HMBOX1: variants seen among roughly 807,000 people sequenced by gnomAD.
The protein encoded by HMBOX1 is homeobox containing 1, also known as homeobox-containing protein 1.
Under a neutral mutation model 54.5 loss-of-function variants are expected in HMBOX1, and 14 were observed. The observed-to-expected ratio is 0.26, with a 90% CI of 0.17 to 0.40. The LOEUF (loss-of-function observed/expected upper bound fraction) is 0.40. HMBOX1 is among the 10% of genes least tolerant of loss of function. HMBOX1 has a pLI of 1.00. For synonymous variants in HMBOX1, 160 were observed against 181.0 expected, an observed-to-expected ratio of 0.88 and a Z score of 0.93; for missense variants, 332 against 514.4, an observed-to-expected ratio of 0.65 and a Z score of 3.43.
intron 1 of HMBOX1, among the ~76,000 whole-genome samples, chr8:28,924,232 G>A (rs1456031516): frequency 2.0e-5 from 3 of 150,828 alleles, no homozygotes; most frequent in African/African-American, 2.4e-5. Context: ...TCAGCCTCCC[G>A]AGTAGCTGGG....
intron 6 of HMBOX1, among the ~76,000 whole-genome samples, chr8:29,021,169 T>C (rs371480020): frequency 3.9e-5 from 6 of 152,182 alleles, no homozygotes; most frequent in African/African-American, 1.4e-4. Flanking sequence ...AGTAAGATCC[T>C]ATCTCAAAAA....
chr8:29,010,468 ATTGC>A (rs945862728), intron 5 of HMBOX1, among the ~76,000 whole-genome samples: 5 of 152,088 alleles, frequency 3.3e-5, no homozygotes, highest in African/African-American at 1.2e-4. Context: ...AGGCAGAGAA[ATTGC>A]TTTAACTCGG....
chr8:28,924,256 G>A (rs562776988), intron 1 of HMBOX1, among the ~76,000 whole-genome samples: 26 of 151,476 alleles, frequency 1.7e-4, no homozygotes, highest in African/African-American at 5.3e-4. Flanking sequence ...ACAGGTGCCC[G>A]CCACCACGTC....
intron 6 of HMBOX1, among the ~76,000 whole-genome samples, chr8:29,027,576 G>A (rs1473966225): frequency 6.6e-6 from 1 of 152,068 alleles, no homozygotes; most frequent in Admixed American, 6.6e-5. Context: ...AAGGGAGGAA[G>A]GTAAAATAAG....
At position 29,052,913 on chromosome 8, in the gene HMBOX1, G is replaced by A. The variant is rs1806572671; in HGVS notation, c.*1758G>A. On this transcript the variant is annotated 3_prime_UTR_variant, in exon 10 of 10. Transcript: ENST00000287701. ...AAAACAATTTCTAAGATAAAAGGAAGGTGCCATTTCCTTACCTCTTCACCC... is the reference window on the plus strand; with the variant it reads ...AAAACAATTTCTAAGATAAAAGGAAAGTGCCATTTCCTTACCTCTTCACCC... 1 of 152,180 alleles carries A rather than the reference G, an allele frequency of 6.6e-6. No individual in the cohort carries two copies. The highest frequency in any genetic ancestry group is 2.1e-4 in the South Asian group (1 of 4,838). The allele number at this position is 152,180 out of a possible 1,614,324, so 9.4% of individuals were successfully genotyped here.
At position 28,904,605 on chromosome 8, in the gene HMBOX1, G is replaced by A. The variant is rs985522638; in HGVS notation, c.-58+13927G>A. Among the ~76,000 whole-genome samples, 10 of 151,852 alleles carry A rather than the reference G, an allele frequency of 6.6e-5. No homozygotes were observed. In the South Asian group the frequency reaches 2.1e-3, roughly 32 times the overall value. On this transcript the variant is annotated intron_variant, in intron 1 of 9. Coordinates refer to ENST00000287701, the MANE Select transcript of HMBOX1 (RefSeq NM_001135726.3). ...GCATTCTTATTTTTTCAAGTTAATC[G>A]TCTTAAATTGTGCCAAACATTGAAC...
Position 29,051,668 on chromosome 8 carries a change from C to A in HMBOX1, c.*513C>A, listed in dbSNP as rs1197090048. On this transcript the variant is annotated 3_prime_UTR_variant, in exon 10 of 10. Coordinates refer to ENST00000287701, the MANE Select transcript of HMBOX1 (RefSeq NM_001135726.3). ...ACCTCAGCGTGAGGATAATTGATTTCCAGCTGCAATAAGCCGTGCCTCATT... is the reference window on the plus strand; with the variant it reads ...ACCTCAGCGTGAGGATAATTGATTTACAGCTGCAATAAGCCGTGCCTCATT... The A allele has an allele frequency of 1.4e-6, 1 of 699,986 alleles. No homozygotes were observed. Among genetic ancestry groups the A allele is most frequent in the African/African-American group, 1.7e-5 (1 of 57,154 alleles). The allele number at this position is 699,986 out of a possible 1,614,324, so 43.4% of individuals were successfully genotyped here.
chr8:28,945,432 A>G (rs1822250956), intron 1 of HMBOX1, among the ~76,000 whole-genome samples: 1 of 152,216 alleles, frequency 6.6e-6, no homozygotes, highest in Non-Finnish European at 1.5e-5. Context: ...TCATTTTAGG[A>G]CGATTACTTT....
chr8:29,031,758 A>G (rs548732414), intron 6 of HMBOX1, among the ~76,000 whole-genome samples: 12 of 152,232 alleles, frequency 7.9e-5, no homozygotes, highest in African/African-American at 2.6e-4. Flanking sequence ...CCCCGTGCTG[A>G]GGAGTGTGGA....
chr8:28,972,327 T>G (rs542023443), intron 3 of HMBOX1, among the ~76,000 whole-genome samples: 1 of 152,240 alleles, frequency 6.6e-6, no homozygotes, highest in East Asian at 1.9e-4. Flanking sequence ...ATTCTCCTGC[T>G]TTAGCCTCCT....
intron 1 of HMBOX1, among the ~76,000 whole-genome samples, chr8:28,961,367 A>G (rs922001079): frequency 2.0e-5 from 3 of 152,080 alleles, no homozygotes; most frequent in Non-Finnish European, 4.4e-5. Context: ...ATAACTTCTC[A>G]TTATTCCTTG....
intron 6 of HMBOX1, among the ~76,000 whole-genome samples, chr8:29,024,243 CA>C (rs1216905476): frequency 6.6e-6 from 1 of 152,104 alleles, no homozygotes; most frequent in Non-Finnish European, 1.5e-5. Context: ...AAAACTACAC[CA>C]AAGTGGTAAC....
rs142735735 is a variant in HMBOX1 at position 28,938,373 on chromosome 8, A to G, written c.-57-25438A>G. 2.6e-4 allele frequency among the ~76,000 whole-genome samples: 39 copies of G among 152,362 alleles called. 1 individual carries two copies. The highest frequency in any genetic ancestry group is 8.9e-4 in the African/African-American group (37 of 41,588). On this transcript the variant is annotated intron_variant, in intron 1 of 9. Transcript: ENST00000287701. ...ATATTTCTAGAAATAAGTGCCACTT[A>G]GGAAGGGCTGCAGTAAAATAAAATA...
intron 6 of HMBOX1, among the ~76,000 whole-genome samples, chr8:29,037,809 C>T (rs1279668287): frequency 6.6e-6 from 1 of 152,082 alleles, no homozygotes; most frequent in Non-Finnish European, 1.5e-5. Flanking sequence ...GACTTAGGTT[C>T]TAAGTATGTT....
At chr8:29,047,559 CTTCTCT>C in intron 8 of HMBOX1, 106 bp downstream of exon 8, 1 of 488,320 alleles carries the variant, frequency 2.0e-6, no homozygotes, top group South Asian at 2.7e-5. Context: ...AGGATCCTAA[CTTCTCT>C]TTTTTTTTTT....
intron 5 of HMBOX1, among the ~76,000 whole-genome samples, chr8:29,015,284 G>A (rs148607558): frequency 4.0e-4 from 61 of 152,168 alleles, no homozygotes; most frequent in Admixed American, 8.5e-4. Flanking sequence ...GGAGCATGCC[G>A]CAATTATGGA....
Position 28,970,188 on chromosome 8 carries a change from C to T in HMBOX1, c.169C>T (p.His57Tyr). 1 of 1,614,132 alleles carries T rather than the reference C, an allele frequency of 6.2e-7. No homozygotes were observed. Among genetic ancestry groups the T allele is most frequent in the Non-Finnish European group, 8.5e-7 (1 of 1,180,016 alleles). Residue 57 changes from histidine (H) to tyrosine (Y), a missense_variant, in exon 3 of 10, where the codon CAT becomes TAT. This residue lies in a region of HMBOX1 where 146 missense variants were observed against 173.3 expected (regional missense o/e 0.84). Coordinates refer to ENST00000287701, the MANE Select transcript of HMBOX1 (RefSeq NM_001135726.3). This position sits in a 1 kb window ranked among gnomAD's most constrained non-coding sequence, Gnocchi z 4.3. Reference sequence around the variant, plus strand: ...AACTTTGGACCGTCTTGATCAAGAGCATAGTGACAAGTTTGGAAGAAGGTC... The same window carrying T: ...AACTTTGGACCGTCTTGATCAAGAGTATAGTGACAAGTTTGGAAGAAGGTC... ...LETLDRLDQEHSDKFGRRSSY... is the reference protein window; with the variant it reads ...LETLDRLDQEYSDKFGRRSSY...
chr8:29,034,970 G>A (rs1803615457), intron 6 of HMBOX1, among the ~76,000 whole-genome samples: 1 of 152,156 alleles, frequency 6.6e-6, no homozygotes, highest in African/African-American at 2.4e-5. Context: ...AGAAGTAGAA[G>A]TCTAGGTTTA....
At chr8:28,926,024 T>TGCG (rs1050565834) in intron 1 of HMBOX1, among the ~76,000 whole-genome samples, 1 of 151,998 alleles carries the variant, frequency 6.6e-6, no homozygotes, top group African/African-American at 2.4e-5. Context: ...CTGGGCCAGG[T>TGCG]GCGGTGGCTT....
Sources: gnomAD v4.1 joint callset for allele counts (sites outside exome capture counted in the v4.1 genomes callset) on GRCh38, gnomAD v4.1.1 for gene constraint, gnomAD v4.1.1 regional missense constraint, Gnocchi (gnomAD v3.1) non-coding constraint, MANE v1.5 for transcripts, NCBI Gene and HGNC (gene_info 2026-07-23, HGNC 2026-07-21) for gene names.